PEAR1: variants seen among roughly 807,000 people sequenced by gnomAD.
PEAR1 encodes the protein multiple EGF-like domains protein 12.
In PEAR1, 113 loss-of-function variants were observed where a neutral mutation model predicts 131.2. The observed-to-expected ratio is 0.86, with a 90% confidence interval of 0.74 to 1.01. The LOEUF is 1.01. PEAR1 is among the 50% of genes least tolerant of loss of function. The probability of loss-of-function intolerance (pLI) is 0.00; values close to 1 mark genes in which losing one functional copy is unlikely to be tolerated. For synonymous variants in PEAR1, 565 were observed against 523.3 expected (o/e 1.08, Z -1.09); for missense variants, 1,408 against 1,391.1 (o/e 1.01, Z -0.19).
intron 5 of PEAR1, 116 bp from the exon 6 acceptor site, chr1:156,906,521 G>A: frequency 1.3e-6 from 2 of 1,547,888 alleles, no homozygotes; most frequent in Non-Finnish European, 1.7e-6. Flanking sequence ...TTCTGGAGAT[G>A]TGGAAGACAG....
At chr1:156,905,510 C>T (rs527644985) in intron 4 of PEAR1, 86 bp downstream of exon 4, 72 of 1,218,388 alleles carry the variant, frequency 5.9e-5, no homozygotes, top group South Asian at 2.0e-4. Flanking sequence ...TCCCGGCCCC[C>T]GCTAGAATGG....
chr1:156,909,954 G>T (rs1181957348), intron 12 of PEAR1, 40 bp downstream of exon 12: 9 of 1,611,780 alleles, frequency 5.6e-6, no homozygotes, highest in Non-Finnish European at 7.6e-6. Context: ...GGTGGGGAGG[G>T]CATGGCGTCC....
At chr1:156,905,106 C>T (rs1241166785) in intron 3 of PEAR1, 2 of 1,304,100 alleles carry the variant, frequency 1.5e-6, no homozygotes, top group Non-Finnish European at 2.1e-6. Context: ...GAAGGGAATG[C>T]TCTTTCTTTT....
rs913658222 is a variant in PEAR1 at position 156,908,997 on chromosome 1, G to T, written c.1372G>T (p.Ala458Ser). The stretch of plus-strand genomic sequence containing the variant: ...ACGCTGCTCATGTGAAAATGCCATC[G>T]CCTGCTCACCCATCGACGGCGAGTG... ...SARCSCENAI[A>S]CSPIDGECVC... Residue 458 changes from alanine (A) to serine (S), a missense_variant, in exon 11 of 23, where the codon GCC becomes TCC. Coordinates refer to ENST00000292357, the MANE Select transcript of PEAR1 (RefSeq NM_001080471.3). The surrounding 1 kb of genome is among the most constrained non-coding windows in gnomAD (Gnocchi z 4.2). 2.5e-6 allele frequency: 4 copies of T among 1,613,954 alleles called. No homozygotes were observed. Among genetic ancestry groups the T allele is most frequent in the African/African-American group, 1.3e-5 (1 of 74,910 alleles).
rs1443220058 is a variant in PEAR1 at position 156,913,908 on chromosome 1, C to G, written c.2770C>G (p.Pro924Ala). Residue 924 changes from proline (P) to alanine (A), a missense_variant, in exon 22 of 23, where the codon CCA becomes GCA. Coordinates refer to ENST00000292357, the MANE Select transcript of PEAR1 (RefSeq NM_001080471.3). The stretch of plus-strand genomic sequence containing the variant: ...TGTGGCTTCCCTGAGCAGTGAGAAC[C>G]CATATGCCACCATCCGGGACCTGCC... ...ASVASLSSEN[P>A]YATIRDLPSL... The G allele has an allele frequency of 6.2e-7, 1 of 1,614,068 alleles. No homozygotes were observed. Among genetic ancestry groups the G allele is most frequent in the East Asian group, 2.2e-5 (1 of 44,884 alleles).
Position 156,908,641 on chromosome 1 carries a change from G to A in PEAR1, c.1116-14G>A. 1 of 1,512,920 alleles carries A rather than the reference G, an allele frequency of 6.6e-7. No homozygotes were observed. The highest frequency in any genetic ancestry group is 8.8e-7 in the Non-Finnish European group (1 of 1,134,336). The allele number at this position is 1,512,920 out of a possible 1,614,324, so 93.7% of individuals were successfully genotyped here. On this transcript the variant is annotated splice_polypyrimidine_tract_variant and intron_variant, in intron 9 of 22. Coordinates refer to ENST00000292357, the MANE Select transcript of PEAR1 (RefSeq NM_001080471.3). The surrounding 1 kb of genome is among the most constrained non-coding windows in gnomAD (Gnocchi z 4.2). ...CCAGCTCAGACCGCGCCACGCCCCC[G>A]CCTCTGCCCCCAGCTGCCACCCGAT...
At chr1:156,907,288 C>T (rs1383607120) in intron 6 of PEAR1, among the ~76,000 whole-genome samples, 2 of 152,188 alleles carry the variant, frequency 1.3e-5, no homozygotes, top group African/African-American at 2.4e-5. Context: ...TTTGTGGAGG[C>T]GCTCGTGGAG....
chr1:156,898,213 C>T (rs1437347086), intron 1 of PEAR1, among the ~76,000 whole-genome samples: 1 of 152,176 alleles, frequency 6.6e-6, no homozygotes, highest in African/African-American at 2.4e-5. Context: ...GGGACTGGCA[C>T]TGGCAACACC....
Position 156,908,797 on chromosome 1 carries a change from A to T in PEAR1, c.1258A>T (p.Ser420Cys). Reference sequence around the variant, plus strand: ...GCACGGTGGCGTCTGCCAGGCTACCAGCGGCCTCTGTCAGTGCGCGCCGGG... The same window carrying T: ...GCACGGTGGCGTCTGCCAGGCTACCTGCGGCCTCTGTCAGTGCGCGCCGGG... ...CLHGGVCQAT[S>C]GLCQCAPGYT... The change falls in exon 10 of 23, where the codon AGC (serine) becomes TGC (cysteine). Residue 420 changes from serine (S) to cysteine (C), a missense_variant. Coordinates refer to ENST00000292357, the MANE Select transcript of PEAR1 (RefSeq NM_001080471.3). This position sits in a 1 kb window ranked among gnomAD's most constrained non-coding sequence, Gnocchi z 4.2. The T allele has an allele frequency of 1.2e-6, 2 of 1,606,136 alleles. No homozygotes were observed. The highest frequency in any genetic ancestry group is 1.3e-5 in the African/African-American group (1 of 74,954).
chr1:156,906,022 A>G (rs1222892433), intron 4 of PEAR1, among the ~76,000 whole-genome samples: 1 of 152,108 alleles, frequency 6.6e-6, no homozygotes, highest in African/African-American at 2.4e-5. Flanking sequence ...CCTTTTGAGG[A>G]TCTCCCCCAA....
Position 156,913,274 on chromosome 1 carries a change from C to A in PEAR1, c.2503C>A (p.Pro835Thr), listed in dbSNP as rs760377016. Residue 835 changes from proline to threonine, a missense_variant, in exon 19 of 23, where the codon CCT becomes ACT. Coordinates refer to ENST00000292357, the MANE Select transcript of PEAR1 (RefSeq NM_001080471.3). ...LSQCSPNPPP[P>T]NKVPGPLFAS... is the part of the protein sequence containing the mutation. ...GCAGTGCTCCCCAAACCCCCCACCC[C>A]CTAACAAGGTCAGTGCCGGGGGAGG... The A allele has an allele frequency of 1.9e-6, 3 of 1,605,906 alleles. No homozygotes were observed. The highest frequency in any genetic ancestry group is 1.7e-5 in the Admixed American group (1 of 59,448).
At chr1:156,911,170 C>CCTTT (rs200135619) in intron 15 of PEAR1, among the ~76,000 whole-genome samples, 4,324 of 96,022 alleles carry the variant, frequency 0.045, 502 homozygotes, top group East Asian at 0.12. Context: ...TTCTTTCTTT[C>CCTTT]CTTTCTTTTC....
intron 3 of PEAR1, 112 bp from the exon 4 acceptor site, chr1:156,905,212 C>T (rs1466274857): frequency 1.1e-5 from 13 of 1,193,848 alleles, no homozygotes; most frequent in South Asian, 4.2e-5. Flanking sequence ...GCTTTCTATG[C>T]GCCCTCAGCC....
intron 1 of PEAR1, among the ~76,000 whole-genome samples, chr1:156,898,595 C>T (rs182526928): frequency 4.7e-4 from 71 of 152,246 alleles, no homozygotes; most frequent in African/African-American, 1.6e-3. Context: ...CTTTGGACTG[C>T]GATCTCACTG....
intron 15 of PEAR1, 140 bp from the exon 16 acceptor site, chr1:156,912,107 T>C: frequency 9.5e-7 from 1 of 1,048,026 alleles, no homozygotes; most frequent in South Asian, 1.9e-5. Flanking sequence ...TGTGAGTCAT[T>C]GGTTGCAGAT....
At chr1:156,895,462 G>T (rs537926910) in intron 1 of PEAR1, among the ~76,000 whole-genome samples, 1 of 152,338 alleles carries the variant, frequency 6.6e-6, no homozygotes, top group East Asian at 1.9e-4. Context: ...GGACCCTGGG[G>T]TGCCATCCTA....
intron 11 of PEAR1, 39 bp from the exon 12 acceptor site, chr1:156,909,712 A>G (rs41273205): frequency 0.12 from 191,680 of 1,557,544 alleles, 14,170 homozygotes; most frequent in East Asian, 0.35. Flanking sequence ...CAGGAAGGGA[A>G]ATGGGTCCCC....
At position 156,908,995 on chromosome 1, in the gene PEAR1, T is replaced by C. The variant is rs1412551385; in HGVS notation, c.1370T>C (p.Ile457Thr). 1 of 1,614,088 alleles carries C rather than the reference T, an allele frequency of 6.2e-7. No individual in the cohort carries two copies. Among genetic ancestry groups the C allele is most frequent in the Admixed American group, 1.7e-5 (1 of 60,022 alleles). The stretch of plus-strand genomic sequence containing the variant: ...GCACGCTGCTCATGTGAAAATGCCA[T>C]CGCCTGCTCACCCATCGACGGCGAG... ...CSARCSCENA[I>T]ACSPIDGECV... is the part of the protein sequence containing the mutation. Residue 457 changes from isoleucine to threonine, a missense_variant, in exon 11 of 23, where the codon ATC becomes ACC. Transcript: ENST00000292357. The surrounding 1 kb of genome is among the most constrained non-coding windows in gnomAD (Gnocchi z 4.2).
At chr1:156,901,525 C>T (rs530393236) in intron 1 of PEAR1, among the ~76,000 whole-genome samples, 5 of 152,224 alleles carry the variant, frequency 3.3e-5, no homozygotes, top group East Asian at 1.9e-4. Context: ...CATGCCACCA[C>T]GCCATAGGCT....
Sources: gnomAD v4.1 joint callset for allele counts (sites outside exome capture counted in the v4.1 genomes callset) on GRCh38, gnomAD v4.1.1 for gene constraint, Gnocchi (gnomAD v3.1) non-coding constraint, MANE v1.5 for transcripts, NCBI Gene and HGNC (gene_info 2026-07-23, HGNC 2026-07-21) for gene names.